Variants in PTPRG observed in about 807,000 individuals in gnomAD.
PTPRG encodes receptor-type tyrosine-protein phosphatase gamma.
Under a neutral mutation model 165.3 loss-of-function variants are expected in PTPRG, and 102 were observed. The ratio of observed to expected loss-of-function variants is 0.62; its 90% confidence interval spans 0.53 to 0.73. The LOEUF is 0.73. Ranked by LOEUF, PTPRG falls within the 30% of genes least tolerant of loss-of-function variation. The pLI, the probability that PTPRG is intolerant of heterozygous loss-of-function variation, is 0.00. For missense variants in PTPRG, 1,866 were observed against 1,861.4 expected (o/e 1.00, Z -0.05); for synonymous variants, 675 against 669.5 (o/e 1.01, Z -0.13).
chr3:61,741,230 A>G (rs2032968733), intron 1 of PTPRG, among the ~76,000 whole-genome samples: 1 of 152,212 alleles, frequency 6.6e-6, no homozygotes. Context: ...TGCCATTAAA[A>G]TAGATATAAA....
chr3:61,669,107 G>A (rs1430936974), intron 1 of PTPRG, among the ~76,000 whole-genome samples: 1 of 152,178 alleles, frequency 6.6e-6, no homozygotes, highest in Non-Finnish European at 1.5e-5. Flanking sequence ...TTGAGTGAAG[G>A]ATGCTGAGCT....
chr3:62,215,970 C>T (rs1016329715), intron 12 of PTPRG, among the ~76,000 whole-genome samples: 1 of 152,174 alleles, frequency 6.6e-6, no homozygotes, highest in African/African-American at 2.4e-5. Context: ...GTAATCCCAG[C>T]ACTTTGGGAG....
At chr3:61,645,598 G>T (rs979184210) in intron 1 of PTPRG, among the ~76,000 whole-genome samples, 1 of 152,190 alleles carries the variant, frequency 6.6e-6, no homozygotes, top group Non-Finnish European at 1.5e-5. Flanking sequence ...TTGCCTTAAC[G>T]GGGCTAGTTC....
chr3:61,842,698 A>AAAG (rs2036676111), intron 2 of PTPRG, among the ~76,000 whole-genome samples: 1 of 144,252 alleles, frequency 6.9e-6, no homozygotes, highest in Non-Finnish European at 1.5e-5. Context: ...AAAAAAAAAA[A>AAAG]AAAAAGAAAA....
At chr3:61,697,072 C>T (rs1368585447) in intron 1 of PTPRG, among the ~76,000 whole-genome samples, 1 of 152,142 alleles carries the variant, frequency 6.6e-6, no homozygotes, top group Non-Finnish European at 1.5e-5. Context: ...AGAAAGGTCA[C>T]TTTTACCTTC....
At chr3:62,157,504 A>G (rs1483259774) in intron 7 of PTPRG, among the ~76,000 whole-genome samples, 1 of 152,216 alleles carries the variant, frequency 6.6e-6, no homozygotes, top group African/African-American at 2.4e-5. Context: ...AATAATAGCT[A>G]TCCTCAATGA....
intron 1 of PTPRG, among the ~76,000 whole-genome samples, chr3:61,598,043 G>C (rs1033800019): frequency 6.6e-6 from 1 of 152,138 alleles, no homozygotes. Context: ...TGAATGAATA[G>C]AAATTTTGAA....
chr3:61,577,814 A>G (rs916040354), intron 1 of PTPRG, among the ~76,000 whole-genome samples: 1 of 152,132 alleles, frequency 6.6e-6, no homozygotes, highest in Non-Finnish European at 1.5e-5. Flanking sequence ...CCCCTTCAAA[A>G]TGTAGGGCTA....
rs1559583290 is a variant in PTPRG at position 61,738,295 on chromosome 3, TATATATATATATATATAC to T, written c.86-10565_86-10548del. Among the ~76,000 whole-genome samples, 109 of 69,600 alleles carry T rather than the reference TATATATATATATATATAC, an allele frequency of 1.6e-3. 2 individuals carry two copies. Among genetic ancestry groups the T allele is most frequent in the South Asian group, 4.4e-3 (8 of 1,812 alleles). The allele number at this position is 69,600 out of a possible 152,430, so 45.7% of individuals were successfully genotyped here. ...ATATATATACATATATATATATATATATATATATATATATATACATATATATATATATATATATATATG... is the reference window on the plus strand; with the variant it reads ...ATATATATACATATATATATATATATATATATATATATATATATATATATG... On this transcript the variant is annotated intron_variant, in intron 1 of 29. Transcript: ENST00000474889.
In PTPRG at chr3:62,273,629, G is replaced by A. The variant is rs1702143870; in HGVS notation, c.3319-69G>A. The A allele has an allele frequency of 1.0e-5, 15 of 1,500,226 alleles. 1 individual carries two copies. In the South Asian group the frequency reaches 1.6e-4, roughly 16 times the overall value. The allele number at this position is 1,500,226 out of a possible 1,614,324, so 92.9% of individuals were successfully genotyped here. A position where few individuals can be genotyped will look rare whatever the true frequency, so the allele number is the denominator to read the frequency against. ...CTGTTAGCAGCAGAATTAAACTAAG[G>A]TACACTTCATGAATGAGTGGCTAAC... is the stretch of plus-strand genomic sequence containing the variant. On this transcript the variant is annotated intron_variant, in intron 22 of 29. Transcript: ENST00000474889. The surrounding 1 kb of genome is among the most constrained non-coding windows in gnomAD (Gnocchi z 4.1).
intron 1 of PTPRG, among the ~76,000 whole-genome samples, chr3:61,617,019 A>C (rs1433455358): frequency 6.6e-6 from 1 of 152,246 alleles, no homozygotes; most frequent in Non-Finnish European, 1.5e-5. Context: ...TTTTGGTAAA[A>C]GGATTGTGTG....
intron 20 of PTPRG, among the ~76,000 whole-genome samples, chr3:62,270,168 T>C (rs1437033579): frequency 6.6e-6 from 1 of 152,092 alleles, no homozygotes; most frequent in Non-Finnish European, 1.5e-5. Flanking sequence ...GGTATGGCAG[T>C]TGTTTGCAGC....
intron 15 of PTPRG, among the ~76,000 whole-genome samples, chr3:62,249,340 G>A (rs1701358237): frequency 6.6e-6 from 1 of 152,124 alleles, no homozygotes; most frequent in Admixed American, 6.6e-5. Flanking sequence ...CTGAAAATGA[G>A]GTCTATCCAC....
Position 61,634,478 on chromosome 3 carries a change from T to C in PTPRG, c.85+72106T>C, listed in dbSNP as rs529693391. Among the ~76,000 whole-genome samples the C allele has an allele frequency of 2.4e-4, 37 of 152,220 alleles. No homozygotes were observed. In the South Asian group the frequency reaches 7.7e-3, roughly 32 times the overall value. ...TGGTCTCGAACTCCTGACCTCACGATCTGCCACTTTGACCTCCGAAAGTGT... is the reference window on the plus strand; with the variant it reads ...TGGTCTCGAACTCCTGACCTCACGACCTGCCACTTTGACCTCCGAAAGTGT... On this transcript the variant is annotated intron_variant, in intron 1 of 29. Transcript: ENST00000474889.
At chr3:62,236,357 C>T (rs1701034039) in intron 14 of PTPRG, among the ~76,000 whole-genome samples, 1 of 152,220 alleles carries the variant, frequency 6.6e-6, no homozygotes, top group Admixed American at 6.5e-5. Flanking sequence ...AGCTCTCAAT[C>T]ATCTTCCTTG....
At chr3:61,582,153 A>T (rs967298730) in intron 1 of PTPRG, among the ~76,000 whole-genome samples, 2 of 151,786 alleles carry the variant, frequency 1.3e-5, no homozygotes, top group African/African-American at 4.8e-5. Context: ...TTTTTTGTAG[A>T]GACAGGGTTT....
At chr3:61,705,847 C>G (rs1559565709) in intron 1 of PTPRG, among the ~76,000 whole-genome samples, 1 of 152,212 alleles carries the variant, frequency 6.6e-6, no homozygotes, top group Non-Finnish European at 1.5e-5. Context: ...TGGCACCCAT[C>G]TTCAATTCTT....
In PTPRG at chr3:62,157,162, C is replaced by T. The variant is rs1436111108; in HGVS notation, c.778C>T (p.Pro260Ser). The part of the protein sequence containing the change: ...YRYTGSLTTP[P>S]CSEIVEWIVF... The stretch of plus-strand genomic sequence containing the variant: ...GTACACAGGTTCCTTGACCACACCA[C>T]CGTGTAGCGAAATAGTGGAGTGGAT... Residue 260 changes from proline (P) to serine (S), a missense_variant, in exon 7 of 30, where the codon CCG becomes TCG. Around this residue, in one of 3 missense-constraint regions of PTPRG, gnomAD observed 408 missense variants for 376.2 expected, o/e 1.08. Transcript: ENST00000474889. 6.2e-7 allele frequency: 1 copy of T among 1,614,046 alleles called. No individual in the cohort carries two copies.
chr3:62,216,593 G>C (rs2106879520), intron 12 of PTPRG, among the ~76,000 whole-genome samples: 1 of 151,578 alleles, frequency 6.6e-6, no homozygotes, highest in South Asian at 2.1e-4. Flanking sequence ...CCCCTTCTGG[G>C]ACCCCACAAA....
Sources: gnomAD v4.1 joint callset for allele counts (sites outside exome capture counted in the v4.1 genomes callset) on GRCh38, gnomAD v4.1.1 for gene constraint, gnomAD v4.1.1 regional missense constraint, Gnocchi (gnomAD v3.1) non-coding constraint, MANE v1.5 for transcripts, NCBI Gene and HGNC (gene_info 2026-07-23, HGNC 2026-07-21) for gene names.